TAX1BP1: variants seen among roughly 807,000 people sequenced by gnomAD.
The protein encoded by TAX1BP1 is tax1-binding protein 1.
In TAX1BP1, 62 loss-of-function variants were observed where a neutral mutation model predicts 97.7. That is an observed-to-expected ratio of 0.63 (90% confidence interval 0.52 to 0.78). TAX1BP1 has a LOEUF of 0.78. TAX1BP1 is among the 30% of genes least tolerant of loss of function. The pLI is 0.00. For synonymous variants in TAX1BP1, 340 were observed against 304.2 expected, an observed-to-expected ratio of 1.12 and a Z score of -1.23; for missense variants, 867 against 916.1, an observed-to-expected ratio of 0.95 and a Z score of 0.69.
intron 3 of TAX1BP1, 98 bp from the exon 4 acceptor site, chr7:27,765,736 C>A: frequency 9.8e-7 from 1 of 1,023,132 alleles, no homozygotes; most frequent in Non-Finnish European, 1.4e-6. Context: ...TTGTCAAGAA[C>A]AGTGTGGGGA....
intron 12 of TAX1BP1, 149 bp downstream of exon 12, chr7:27,796,368 G>A (rs1362500675): frequency 3.2e-6 from 2 of 629,568 alleles, no homozygotes; most frequent in Non-Finnish European, 2.6e-6. Flanking sequence ...GGGATGATGA[G>A]GTGGGCGTTT....
At chr7:27,809,921 T>TG (rs1373520616) in intron 13 of TAX1BP1, among the ~76,000 whole-genome samples, 4 of 152,178 alleles carry the variant, frequency 2.6e-5, no homozygotes, top group African/African-American at 9.6e-5. Flanking sequence ...TTTTTTTTTT[T>TG]GGGAGACGGA....
chr7:27,814,983 C>T (rs1012658382), intron 13 of TAX1BP1, among the ~76,000 whole-genome samples: 7 of 152,152 alleles, frequency 4.6e-5, no homozygotes, highest in Admixed American at 2.0e-4. Context: ...GTGATCCATC[C>T]GCCTCGGGCT....
At chr7:27,803,301 TG>T in intron 13 of TAX1BP1, 1 of 990,078 alleles carries the variant, frequency 1.0e-6, no homozygotes, top group South Asian at 3.1e-5. Flanking sequence ...AGGAAAACAG[TG>T]AAATTTCTAA....
At chr7:27,784,566 T>A (rs1366389401) in intron 5 of TAX1BP1, among the ~76,000 whole-genome samples, 1 of 152,216 alleles carries the variant, frequency 6.6e-6, no homozygotes, top group Non-Finnish European at 1.5e-5. Flanking sequence ...ACCTTGATGG[T>A]GTCGTGTAAG....
chr7:27,782,257 G>A (rs558955958), intron 5 of TAX1BP1, among the ~76,000 whole-genome samples: 3 of 151,686 alleles, frequency 2.0e-5, no homozygotes, highest in Admixed American at 6.6e-5. Context: ...ATTTTTTTGA[G>A]ATGGAGTCTT....
chr7:27,801,516 G>A (rs550929937), intron 13 of TAX1BP1, among the ~76,000 whole-genome samples: 1 of 152,094 alleles, frequency 6.6e-6, no homozygotes, highest in Non-Finnish European at 1.5e-5. Flanking sequence ...TAGGAAAATG[G>A]TTTAGTAAAT....
At chr7:27,760,766 G>T (rs773318242) in intron 3 of TAX1BP1, among the ~76,000 whole-genome samples, 2 of 152,174 alleles carry the variant, frequency 1.3e-5, no homozygotes, top group Non-Finnish European at 2.9e-5. Context: ...GAGAGCATCA[G>T]CCTGTTTTAA....
intron 13 of TAX1BP1, among the ~76,000 whole-genome samples, chr7:27,805,066 A>G (rs1790284534): frequency 1.3e-5 from 2 of 152,192 alleles, no homozygotes; most frequent in Non-Finnish European, 2.9e-5. Flanking sequence ...TGAAGGGTAA[A>G]TGCATGTGTA....
At chr7:27,758,684 ATAAGT>A (rs1788316037) in intron 3 of TAX1BP1, among the ~76,000 whole-genome samples, 1 of 152,166 alleles carries the variant, frequency 6.6e-6, no homozygotes, top group African/African-American at 2.4e-5. Flanking sequence ...GGATGTTATG[ATAAGT>A]TAAATAAGCC....
intron 1 of TAX1BP1, among the ~76,000 whole-genome samples, chr7:27,747,442 C>T (rs1436691771): frequency 6.6e-6 from 1 of 152,168 alleles, no homozygotes; most frequent in Non-Finnish European, 1.5e-5. Context: ...TTTATTAACA[C>T]TACACTTTTA....
intron 13 of TAX1BP1, among the ~76,000 whole-genome samples, chr7:27,813,625 G>A (rs927717134): frequency 3.3e-5 from 5 of 151,576 alleles, no homozygotes; most frequent in African/African-American, 9.7e-5. Context: ...TATGAGCCAC[G>A]GTGCCTGGCC....
chr7:27,745,539 A>G (rs544326744), intron 1 of TAX1BP1, among the ~76,000 whole-genome samples: 30 of 152,348 alleles, frequency 2.0e-4, no homozygotes, highest in Non-Finnish European at 4.1e-4. Flanking sequence ...AAGGTACTGG[A>G]ATGACTTTTG....
At chr7:27,752,951 T>C (rs1053591353) in intron 2 of TAX1BP1, among the ~76,000 whole-genome samples, 3 of 152,244 alleles carry the variant, frequency 2.0e-5, no homozygotes, top group Non-Finnish European at 4.4e-5. Flanking sequence ...AAGTTCAGCA[T>C]GGATTTTCTT....
At chr7:27,796,584 A>C (rs1030980832) in intron 12 of TAX1BP1, among the ~76,000 whole-genome samples, 7 of 152,244 alleles carry the variant, frequency 4.6e-5, no homozygotes, top group African/African-American at 1.7e-4. Context: ...ATTATCGGCC[A>C]GGTGCGGTGG....
At chr7:27,814,377 A>T (rs1035562831) in intron 13 of TAX1BP1, among the ~76,000 whole-genome samples, 1 of 151,956 alleles carries the variant, frequency 6.6e-6, no homozygotes, top group Non-Finnish European at 1.5e-5. Context: ...TTCTGTGTAC[A>T]TTTTAGAATT....
At chr7:27,819,061 A>G (rs748465881) in intron 15 of TAX1BP1, among the ~76,000 whole-genome samples, 14 of 152,138 alleles carry the variant, frequency 9.2e-5, no homozygotes, top group Admixed American at 2.6e-4. Context: ...GGAAATTGTG[A>G]CTTTAAACGA....
chr7:27,828,724 G>GGT lies in TAX1BP1; in HGVS notation c.2269_2270dup (p.Pro758AlafsTer30). 1.2e-6 allele frequency: 2 copies of GGT among 1,614,108 alleles called. No individual in the cohort carries two copies. Among genetic ancestry groups the GGT allele is most frequent in the Non-Finnish European group, 1.7e-6 (2 of 1,180,006 alleles). On this transcript the variant is annotated frameshift_variant, in exon 17 of 17. Transcript: ENST00000396319. LOFTEE classifies it high-confidence loss of function. ...AAGAACATGTTGAAAGTCACTGGAA[G>GGT]GTGTGCCCGATGTGCAGCGAGCAGT...
At chr7:27,767,699 A>C (rs1467745584) in intron 4 of TAX1BP1, among the ~76,000 whole-genome samples, 1 of 152,120 alleles carries the variant, frequency 6.6e-6, no homozygotes, top group African/African-American at 2.4e-5. Flanking sequence ...CAGGGCCTCC[A>C]ACAGAAAAGT....
Sources: allele counts gnomAD v4.1 joint callset (sites outside exome capture counted in the v4.1 genomes callset), GRCh38; gene constraint gnomAD v4.1.1; transcripts MANE v1.5; gene names NCBI Gene and HGNC (gene_info 2026-07-23, HGNC 2026-07-21).